The following HEMK2 variants were observed in gnomAD, a reference collection of about 807,000 sequenced individuals.
HEMK2 encodes the protein HemK methyltransferase 2, ETF1 glutamine and histone H4 lysine, also known as methyltransferase HEMK2.
the HEMK2 span, among the ~76,000 whole-genome samples, chr21:28,832,635 T>C: frequency 6.6e-6 from 1 of 152,218 alleles, no homozygotes; most frequent in African/African-American, 2.4e-5. Context: ...AAACATCATG[T>C]TCCACCTAAG....
the HEMK2 span, among the ~76,000 whole-genome samples, chr21:28,758,909 C>T: frequency 0.19 from 29,419 of 152,128 alleles, 3,566 homozygotes; most frequent in African/African-American, 0.34. Context: ...ATGCCTGCTG[C>T]GGCCCCTCTC....
chr21:28,669,308 G>A, the HEMK2 span, among the ~76,000 whole-genome samples: 7 of 151,500 alleles, frequency 4.6e-5, no homozygotes, highest in African/African-American at 1.5e-4. Flanking sequence ...GCAGTGAGCC[G>A]AGATCACACC....
chr21:28,704,941 A>G, the HEMK2 span, among the ~76,000 whole-genome samples: 1 of 152,188 alleles, frequency 6.6e-6, no homozygotes, highest in African/African-American at 2.4e-5. Flanking sequence ...ACTGGCTTCA[A>G]ACTGCTTTGG....
At chr21:28,875,324 T>C in the HEMK2 span, 1 of 152,240 alleles carries the variant, frequency 6.6e-6, no homozygotes, top group Admixed American at 6.5e-5. Context: ...TGGTGACTCA[T>C]TAAGTATCAG....
chr21:28,789,032 A>C, the HEMK2 span, among the ~76,000 whole-genome samples: 1 of 152,126 alleles, frequency 6.6e-6, no homozygotes, highest in Non-Finnish European at 1.5e-5. Context: ...CAACCCCCTA[A>C]GAGGGAACAA....
At chr21:28,835,650 A>G in the HEMK2 span, among the ~76,000 whole-genome samples, 1 of 152,168 alleles carries the variant, frequency 6.6e-6, no homozygotes, top group African/African-American at 2.4e-5. Flanking sequence ...TCCCTGATTT[A>G]CCTGAAAAAG....
chr21:28,724,698 C>G, the HEMK2 span, among the ~76,000 whole-genome samples: 1 of 150,408 alleles, frequency 6.6e-6, no homozygotes, highest in Non-Finnish European at 1.5e-5. Context: ...CCCTAAACAT[C>G]TGACTTTAGT....
At chr21:28,601,150 T>A in the HEMK2 span, among the ~76,000 whole-genome samples, 1 of 152,186 alleles carries the variant, frequency 6.6e-6, no homozygotes, top group Non-Finnish European at 1.5e-5. Context: ...TTCCTCATCC[T>A]CATGCTCCAT....
At chr21:28,623,842 G>A in the HEMK2 span, among the ~76,000 whole-genome samples, 42 of 152,292 alleles carry the variant, frequency 2.8e-4, 1 homozygote, top group Middle Eastern at 3.4e-3. Context: ...GGAGGGCTAA[G>A]GGGCTAGGAG....
chr21:28,621,092 CT>C, the HEMK2 span, among the ~76,000 whole-genome samples: 1 of 151,870 alleles, frequency 6.6e-6, no homozygotes, highest in Non-Finnish European at 1.5e-5. Context: ...TTAGTTATTT[CT>C]TGTCTTCTGC....
At chr21:28,868,301 G>A in the HEMK2 span, among the ~76,000 whole-genome samples, 2 of 152,184 alleles carry the variant, frequency 1.3e-5, no homozygotes, top group African/African-American at 4.8e-5. Flanking sequence ...GAATTTTACT[G>A]TAAGTATAGG....
At chr21:28,885,126 T>G in the HEMK2 span, 12 of 1,441,450 alleles carry the variant, frequency 8.3e-6, no homozygotes, top group Non-Finnish European at 1.1e-5. Context: ...CTCAGGGCGG[T>G]GATAGTCACC....
At chr21:28,730,243 C>T in the HEMK2 span, among the ~76,000 whole-genome samples, 3 of 151,726 alleles carry the variant, frequency 2.0e-5, no homozygotes, top group African/African-American at 4.9e-5. Flanking sequence ...TAGCCAGGTA[C>T]GGTGGGATGA....
At chr21:28,608,577 T>G in the HEMK2 span, among the ~76,000 whole-genome samples, 1 of 152,168 alleles carries the variant, frequency 6.6e-6, no homozygotes, top group Non-Finnish European at 1.5e-5. Context: ...AGGAGGTGGA[T>G]GGCTATTGCA....
chr21:28,750,050 T>C, the HEMK2 span, among the ~76,000 whole-genome samples: 1 of 152,262 alleles, frequency 6.6e-6, no homozygotes, highest in Non-Finnish European at 1.5e-5. Context: ...GTCACTCATC[T>C]TGAAGTTTAG....
chr21:28,866,430 C>G, the HEMK2 span, among the ~76,000 whole-genome samples: 1 of 124,368 alleles, frequency 8.0e-6, no homozygotes, highest in African/African-American at 3.0e-5. Flanking sequence ...GCCTTGGTAA[C>G]AGAGTGAGAC....
At chr21:28,582,167 T>C in the HEMK2 span, among the ~76,000 whole-genome samples, 1 of 152,208 alleles carries the variant, frequency 6.6e-6, no homozygotes, top group Non-Finnish European at 1.5e-5. Context: ...ACTGAGCTAT[T>C]CAGTTTTCTG....
chr21:28,761,663 C>A, the HEMK2 span, among the ~76,000 whole-genome samples: 1 of 150,746 alleles, frequency 6.6e-6, no homozygotes, highest in Non-Finnish European at 1.5e-5. Context: ...TATAAACTGG[C>A]CTGGGAAGGG....
At chr21:28,726,413 G>T in the HEMK2 span, among the ~76,000 whole-genome samples, 2 of 152,064 alleles carry the variant, frequency 1.3e-5, no homozygotes, top group African/African-American at 2.4e-5. Context: ...CTCCATGAAT[G>T]AATACTATTT....
Sources: allele counts gnomAD v4.1 joint callset (sites outside exome capture counted in the v4.1 genomes callset), GRCh38; gene constraint gnomAD v4.1.1; transcripts MANE v1.5; gene names NCBI Gene and HGNC (gene_info 2026-07-23, HGNC 2026-07-21).